Variants in CD37 observed in about 807,000 individuals in gnomAD.
The protein encoded by CD37 is leukocyte antigen CD37.
CD37 carries 37 observed loss-of-function variants against 38.9 expected under a neutral mutation model. The observed-to-expected ratio is 0.95, with a 90% confidence interval of 0.73 to 1.25. The LOEUF (loss-of-function observed/expected upper bound fraction) is 1.25, where lower values mean the gene tolerates loss of function less well. CD37 is among the 50% of genes most tolerant of loss of function. CD37 has a pLI of 0.00. For missense variants in CD37, 351 were observed against 360.1 expected (o/e 0.97, Z 0.20); for synonymous variants, 146 against 150.1 (o/e 0.97, Z 0.20).
At position 49,339,007 on chromosome 19, in the gene CD37, A is replaced by C; in HGVS notation, c.684+71A>C. On this transcript the variant is annotated intron_variant, in intron 6 of 7. Coordinates refer to ENST00000323906, the MANE Select transcript of CD37 (RefSeq NM_001774.3). The surrounding 1 kb of genome is among the most constrained non-coding windows in gnomAD (Gnocchi z 4.5). ...TGCGGGAGGGGGAGGGCTGTCAGTGAGTAGCGGCCTGAGAAAGGGCGGGGT... is the reference window on the plus strand; with the variant it reads ...TGCGGGAGGGGGAGGGCTGTCAGTGCGTAGCGGCCTGAGAAAGGGCGGGGT... The C allele has an allele frequency of 8.1e-7, 1 of 1,233,070 alleles. No individual in the cohort carries two copies. The highest frequency in any genetic ancestry group is 1.3e-5 in the South Asian group (1 of 78,600). The allele number at this position is 1,233,070 out of a possible 1,614,324, so 76.4% of individuals were successfully genotyped here.
Position 49,338,590 on chromosome 19 carries a change from C to G in CD37, c.448-110C>G. 1 of 778,584 alleles carries G rather than the reference C, an allele frequency of 1.3e-6. No homozygotes were observed. Among genetic ancestry groups the G allele is most frequent in the Non-Finnish European group, 2.2e-6 (1 of 452,150 alleles). 48.2% of individuals were successfully genotyped at this position (778,584 alleles called of 1,614,324 possible). A position where few individuals can be genotyped will look rare whatever the true frequency, so the allele number is the denominator to read the frequency against. ...CCACTGTCCCCCACTCCACACCCAC[C>G]ACTTAGTCCCCTGCTCCCCGACCTG... is the stretch of plus-strand genomic sequence containing the variant. On this transcript the variant is annotated intron_variant, in intron 5 of 7. Coordinates refer to ENST00000323906, the MANE Select transcript of CD37 (RefSeq NM_001774.3). The surrounding 1 kb of genome is among the most constrained non-coding windows in gnomAD (Gnocchi z 5.0).
In CD37 at chr19:49,335,473, T is replaced by G. The variant is rs770324194; in HGVS notation, c.-68T>G. 9.2e-6 allele frequency: 10 copies of G among 1,091,474 alleles called. No homozygotes were observed. Among genetic ancestry groups the G allele is most frequent in the Non-Finnish European group, 1.4e-5 (10 of 709,182 alleles). The allele number at this position is 1,091,474 out of a possible 1,614,324, so 67.6% of individuals were successfully genotyped here. On this transcript the variant is annotated 5_prime_UTR_variant, in exon 1 of 8. Coordinates refer to ENST00000323906, the MANE Select transcript of CD37 (RefSeq NM_001774.3). The surrounding 1 kb of genome is among the most constrained non-coding windows in gnomAD (Gnocchi z 4.6). ...CTTTCTCTCTCAGCCTCTTTCTTTCTCCCTGTCTCCCCCACTGTCAGCACC... is the reference window on the plus strand; with the variant it reads ...CTTTCTCTCTCAGCCTCTTTCTTTCGCCCTGTCTCCCCCACTGTCAGCACC...
At chr19:49,336,190 A>C in intron 2 of CD37, 3 of 203,506 alleles carry the variant, frequency 1.5e-5, no homozygotes, top group East Asian at 1.2e-4. Context: ...ATAACCCTAA[A>C]CGCTCATATT....
Position 49,339,847 on chromosome 19 carries a change from G to A in CD37, c.769-404G>A. ...TGCCTGCCCCAACTGGGGAGACAAG[G>A]CACCGCAGGGCAAGCTGCCCATGGC... On this transcript the variant is annotated intron_variant, in intron 7 of 7. Transcript: ENST00000323906. This position sits in a 1 kb window ranked among gnomAD's most constrained non-coding sequence, Gnocchi z 4.5. 3 of 1,332,836 alleles carry A rather than the reference G, an allele frequency of 2.3e-6. No individual in the cohort carries two copies. Among genetic ancestry groups the A allele is most frequent in the South Asian group, 3.3e-5 (2 of 60,602 alleles). The allele number at this position is 1,332,836 out of a possible 1,614,324, so 82.6% of individuals were successfully genotyped here.
chr19:49,335,976 A>T lies in CD37; in HGVS notation c.142+190A>T. 3.2e-6 allele frequency: 2 copies of T among 617,050 alleles called. No homozygotes were observed. Among genetic ancestry groups the T allele is most frequent in the South Asian group, 3.8e-5 (2 of 52,828 alleles). 38.2% of individuals were successfully genotyped at this position (617,050 alleles called of 1,614,324 possible). A position where few individuals can be genotyped will look rare whatever the true frequency, so the allele number is the denominator to read the frequency against. ...AATGGGGTTGTGCATACAAACAACAATGATCATGAGAGCCATTTCTCAAGC... is the reference window on the plus strand; with the variant it reads ...AATGGGGTTGTGCATACAAACAACATTGATCATGAGAGCCATTTCTCAAGC... On this transcript the variant is annotated intron_variant, in intron 2 of 7. Transcript: ENST00000323906. The surrounding 1 kb of genome is among the most constrained non-coding windows in gnomAD (Gnocchi z 4.6).
At position 49,338,035 on chromosome 19, in the gene CD37, C is replaced by G. The variant is rs768938080; in HGVS notation, c.447+6C>G. On this transcript the variant is annotated splice_donor_region_variant and intron_variant, in intron 5 of 7. Coordinates refer to ENST00000323906, the MANE Select transcript of CD37 (RefSeq NM_001774.3). This position sits in a 1 kb window ranked among gnomAD's most constrained non-coding sequence, Gnocchi z 5.0. ...GGGACTATGTGCAGTTCCAGGTAAG[C>G]CCCCCTCCTCCAGTTCCCTCCCGGA... is the stretch of plus-strand genomic sequence containing the variant. 4 of 1,613,256 alleles carry G rather than the reference C, an allele frequency of 2.5e-6. No individual in the cohort carries two copies. Among genetic ancestry groups the G allele is most frequent in the Middle Eastern group, 1.7e-4 (1 of 6,058 alleles).
chr19:49,335,448 C>A lies in CD37; in HGVS notation c.-93C>A, dbSNP rs1970914723. On this transcript the variant is annotated 5_prime_UTR_variant, in exon 1 of 8. Coordinates refer to ENST00000323906, the MANE Select transcript of CD37 (RefSeq NM_001774.3). The surrounding 1 kb of genome is among the most constrained non-coding windows in gnomAD (Gnocchi z 4.6). Reference sequence around the variant, plus strand: ...CTTTCTCTCTCAGCTCTCCGTCTCTCTTTCTCTCTCAGCCTCTTTCTTTCT... The same window carrying A: ...CTTTCTCTCTCAGCTCTCCGTCTCTATTTCTCTCTCAGCCTCTTTCTTTCT... 2.1e-6 allele frequency: 2 copies of A among 930,542 alleles called. No individual in the cohort carries two copies. Among genetic ancestry groups the A allele is most frequent in the African/African-American group, 3.5e-5 (2 of 56,818 alleles). The allele number at this position is 930,542 out of a possible 1,614,324, so 57.6% of individuals were successfully genotyped here.
In CD37 at chr19:49,339,521, G is replaced by A. The variant is rs1189906287; in HGVS notation, c.768+108G>A. On this transcript the variant is annotated intron_variant, in intron 7 of 7. Transcript: ENST00000323906. This position sits in a 1 kb window ranked among gnomAD's most constrained non-coding sequence, Gnocchi z 4.5. ...GGGAAGGACGAGCTCAGGGCGGAGCGCAGCCCACCCCGGCCCTCCCGCCGC... is the reference window on the plus strand; with the variant it reads ...GGGAAGGACGAGCTCAGGGCGGAGCACAGCCCACCCCGGCCCTCCCGCCGC... 10 of 1,481,680 alleles carry A rather than the reference G, an allele frequency of 6.7e-6. No homozygotes were observed. The highest frequency in any genetic ancestry group is 9.2e-6 in the Non-Finnish European group (10 of 1,092,536). The allele number at this position is 1,481,680 out of a possible 1,614,324, so 91.8% of individuals were successfully genotyped here.
Position 49,339,364 on chromosome 19 carries a change from ACAACCTT to A in CD37, c.720_726del (p.Asn240LysfsTer4). The A allele has an allele frequency of 5.6e-6, 9 of 1,614,058 alleles. No individual in the cohort carries two copies. Among genetic ancestry groups the A allele is most frequent in the African/African-American group, 1.3e-5 (1 of 75,042 alleles). ...CAGGGCCTCCAGAAGTGGCTGCACA[ACAACCTT>A]ATTTCCATAGTGGGCATTTGCCTGG... On this transcript the variant is annotated frameshift_variant, in exon 7 of 8. Coordinates refer to ENST00000323906, the MANE Select transcript of CD37 (RefSeq NM_001774.3). LOFTEE classifies it high-confidence loss of function. The surrounding 1 kb of genome is among the most constrained non-coding windows in gnomAD (Gnocchi z 4.5).
In CD37 at chr19:49,339,935, C is replaced by T; in HGVS notation, c.769-316C>T. On this transcript the variant is annotated intron_variant, in intron 7 of 7. Coordinates refer to ENST00000323906, the MANE Select transcript of CD37 (RefSeq NM_001774.3). This position sits in a 1 kb window ranked among gnomAD's most constrained non-coding sequence, Gnocchi z 4.5. ...CAGCCTGACACTGGAAGTGCGGGCG[C>T]AGAATTAGAGGAGGCACAATTAGAG... The T allele has an allele frequency of 7.3e-7, 1 of 1,376,554 alleles. No homozygotes were observed. The highest frequency in any genetic ancestry group is 9.4e-7 in the Non-Finnish European group (1 of 1,062,460). The allele number at this position is 1,376,554 out of a possible 1,614,324, so 85.3% of individuals were successfully genotyped here.
At chr19:49,337,478 C>T (rs145628446) in intron 4 of CD37, 9 of 612,152 alleles carry the variant, frequency 1.5e-5, no homozygotes, top group Non-Finnish European at 2.2e-5. Flanking sequence ...AAAAAAAATC[C>T]GGGTGTGATG....
chr19:49,337,995 C>T lies in CD37; in HGVS notation c.413C>T (p.Ala138Val). 1 of 1,614,032 alleles carries T rather than the reference C, an allele frequency of 6.2e-7. No homozygotes were observed. Among genetic ancestry groups the T allele is most frequent in the Non-Finnish European group, 8.5e-7 (1 of 1,179,986 alleles). ...QKYGTNPEET[A>V]AEESWDYVQF... Reference sequence around the variant, plus strand: ...TACGGCACCAACCCCGAGGAGACCGCGGCCGAGGAGAGCTGGGACTATGTG... The same window carrying T: ...TACGGCACCAACCCCGAGGAGACCGTGGCCGAGGAGAGCTGGGACTATGTG... Residue 138 changes from alanine (A) to valine (V), a missense_variant, in exon 5 of 8, where the codon GCG becomes GTG. By Grantham distance (64) the Ala-to-Val change is moderately conservative. Transcript: ENST00000323906.
chr19:49,336,939 C>A lies in CD37; in HGVS notation c.173C>A (p.Ser58Tyr), dbSNP rs1334090983. 1.2e-6 allele frequency: 2 copies of A among 1,614,182 alleles called. No individual in the cohort carries two copies. Among genetic ancestry groups the A allele is most frequent in the South Asian group, 1.1e-5 (1 of 91,076 alleles). ...GCCTTCGTGCCTCTGCAGATCTGGT[C>A]CAAAGTCCTGGCCATCTCAGGAATC... Reference protein sequence around the residue: ...GLAFVPLQIWSKVLAISGIFT... With the variant: ...GLAFVPLQIWYKVLAISGIFT... The change falls in exon 3 of 8, where the codon TCC becomes TAC. Residue 58 changes from serine to tyrosine, a missense_variant. Ser to Tyr is a moderately radical substitution (Grantham distance 144). Coordinates refer to ENST00000323906, the MANE Select transcript of CD37 (RefSeq NM_001774.3).
Position 49,340,354 on chromosome 19 carries a change from C to G in CD37, c.*26C>G. 3.3e-6 allele frequency: 5 copies of G among 1,492,638 alleles called. No homozygotes were observed. The highest frequency in any genetic ancestry group is 4.7e-6 in the Non-Finnish European group (5 of 1,070,588). The allele number at this position is 1,492,638 out of a possible 1,614,324, so 92.5% of individuals were successfully genotyped here. On this transcript the variant is annotated 3_prime_UTR_variant, in exon 8 of 8. Coordinates refer to ENST00000323906, the MANE Select transcript of CD37 (RefSeq NM_001774.3). ...GCCCCGCCCTCCCCAAAGTCCCGCCCCGCCCCCGTCACGTGCGCTGGGCAC... is the reference window on the plus strand; with the variant it reads ...GCCCCGCCCTCCCCAAAGTCCCGCCGCGCCCCCGTCACGTGCGCTGGGCAC...
chr19:49,340,167 C>T (rs750066874), intron 7 of CD37, 84 bp from the exon 8 acceptor site: 14 of 1,522,256 alleles, frequency 9.2e-6, no homozygotes, highest in Middle Eastern at 1.7e-4. Flanking sequence ...GGCCCCACCC[C>T]TGACCTTTCT....
At position 49,338,993 on chromosome 19, in the gene CD37, G is replaced by T. The variant is rs11671887; in HGVS notation, c.684+57G>T. The T allele has an allele frequency of 5.6e-3, 7,556 of 1,354,112 alleles. 348 individuals carry two copies. In the African/African-American group the frequency reaches 0.094, roughly 17 times the overall value. The allele number at this position is 1,354,112 out of a possible 1,614,324, so 83.9% of individuals were successfully genotyped here. A position where few individuals can be genotyped will look rare whatever the true frequency, so the allele number is the denominator to read the frequency against. On this transcript the variant is annotated intron_variant, in intron 6 of 7. Transcript: ENST00000323906. The surrounding 1 kb of genome is among the most constrained non-coding windows in gnomAD (Gnocchi z 5.0). ...AATGGGGCGGGGCCTGCGGGAGGGGGAGGGCTGTCAGTGAGTAGCGGCCTG... is the reference window on the plus strand; with the variant it reads ...AATGGGGCGGGGCCTGCGGGAGGGGTAGGGCTGTCAGTGAGTAGCGGCCTG...
In CD37 at chr19:49,339,633, C is replaced by A; in HGVS notation, c.768+220C>A. The A allele has an allele frequency of 7.0e-7, 1 of 1,430,170 alleles. No individual in the cohort carries two copies. The highest frequency in any genetic ancestry group is 9.1e-7 in the Non-Finnish European group (1 of 1,096,794). The allele number at this position is 1,430,170 out of a possible 1,614,324, so 88.6% of individuals were successfully genotyped here. A position where few individuals can be genotyped will look rare whatever the true frequency, so the allele number is the denominator to read the frequency against. ...AGGGAAAGCCTCCTGCTATTGGCTG[C>A]GATCTCCCTCCCCTTTCTCCGCAGA... On this transcript the variant is annotated intron_variant, in intron 7 of 7. Coordinates refer to ENST00000323906, the MANE Select transcript of CD37 (RefSeq NM_001774.3). The surrounding 1 kb of genome is among the most constrained non-coding windows in gnomAD (Gnocchi z 4.5).
intron 4 of CD37, 157 bp downstream of exon 4, chr19:49,337,378 C>G: frequency 1.3e-6 from 1 of 770,484 alleles, no homozygotes; most frequent in South Asian, 1.7e-5. Flanking sequence ...GCCTGTAATC[C>G]CATAATCCCA....
chr19:49,339,301 T>A lies in CD37; in HGVS notation c.685-29T>A, dbSNP rs988142576. ...CTGGGCTTGAGAGTCCCAGAAAGAA[T>A]CCCTTTAACTTTTCCCTACACCCCC... On this transcript the variant is annotated intron_variant, in intron 6 of 7. Coordinates refer to ENST00000323906, the MANE Select transcript of CD37 (RefSeq NM_001774.3). The surrounding 1 kb of genome is among the most constrained non-coding windows in gnomAD (Gnocchi z 4.5). 6.3e-7 allele frequency: 1 copy of A among 1,596,010 alleles called. No homozygotes were observed. Among genetic ancestry groups the A allele is most frequent in the Non-Finnish European group, 8.6e-7 (1 of 1,165,064 alleles).
Sources: allele counts gnomAD v4.1 joint callset, GRCh38; gene constraint gnomAD v4.1.1; non-coding constraint Gnocchi (gnomAD v3.1); transcripts MANE v1.5; gene names NCBI Gene and HGNC (gene_info 2026-07-23, HGNC 2026-07-21).